HBEGF: variants seen among roughly 807,000 people sequenced by gnomAD.
HBEGF encodes the protein proheparin-binding EGF-like growth factor.
HBEGF carries 8 observed loss-of-function variants against 19.5 expected under a neutral mutation model. The observed-to-expected ratio is 0.41, with a 90% CI of 0.24 to 0.74. HBEGF has a LOEUF of 0.74. HBEGF is among the 30% of genes least tolerant of loss of function. HBEGF has a pLI of 0.32. For missense variants in HBEGF, 207 were observed against 256.9 expected, an observed-to-expected ratio of 0.81 and a Z score of 1.33; for synonymous variants, 97 against 108.9, an observed-to-expected ratio of 0.89 and a Z score of 0.68.
In HBEGF at chr5:140,334,184, G is replaced by C. The variant is rs1766193901; in HGVS notation, c.*115C>G. The C allele has an allele frequency of 6.4e-6, 1 of 155,792 alleles. No homozygotes were observed. The highest frequency in any genetic ancestry group is 1.4e-5 in the Non-Finnish European group (1 of 70,258). The allele number at this position is 155,792 out of a possible 1,614,324, so 9.7% of individuals were successfully genotyped here. ...GAGGCCCAATCCTAGACGGCAACTG[G>C]GGACGAAGGAGTCTTTGTGACTAGA... On this transcript the variant is annotated 3_prime_UTR_variant, in exon 6 of 6. Transcript: ENST00000230990.
chr5:140,342,779 G>A lies in HBEGF; in HGVS notation c.254C>T (p.Thr85Ile). 6.2e-7 allele frequency: 1 copy of A among 1,614,188 alleles called. No homozygotes were observed. The highest frequency in any genetic ancestry group is 8.5e-7 in the Non-Finnish European group (1 of 1,180,036). Residue 85 changes from threonine to isoleucine, a missense_variant, in exon 3 of 6, where the codon ACA becomes ATA. This residue lies in a region of HBEGF where 127 missense variants were observed against 132.7 expected (regional missense o/e 0.96). Coordinates refer to ENST00000230990, the MANE Select transcript of HBEGF (RefSeq NM_001945.3). ...TLSSKPQALA[T>I]PNKEEHGKRK... ...TTTCCCGTGCTCCTCCTTGTTTGGT[G>A]TGGCCAGTGCTTGTGGCTTGGAGGA...
intron 2 of HBEGF, among the ~76,000 whole-genome samples, chr5:140,344,812 C>T (rs1240844858): frequency 7.3e-6 from 1 of 137,732 alleles, no homozygotes; most frequent in Non-Finnish European, 1.5e-5. Flanking sequence ...GGACAGGGAG[C>T]AGTGAGTCAG....
chr5:140,343,127 A>AC (rs1390679038), intron 2 of HBEGF: 5 of 302,076 alleles, frequency 1.7e-5, no homozygotes, highest in Non-Finnish European at 2.5e-5. Context: ...CCTCACCTCC[A>AC]CCCCACTGTC....
intron 3 of HBEGF, among the ~76,000 whole-genome samples, chr5:140,340,181 G>A (rs1048268800): frequency 2.6e-5 from 4 of 151,910 alleles, no homozygotes; most frequent in African/African-American, 7.3e-5. Flanking sequence ...AGCTGCTCAG[G>A]AGGCTGAAGC....
Position 140,342,778 on chromosome 5 carries a change from T to C in HBEGF, c.255A>G (p.Thr85=), listed in dbSNP as rs1158746052. The stretch of plus-strand genomic sequence containing the variant: ...TTTTCCCGTGCTCCTCCTTGTTTGG[T>C]GTGGCCAGTGCTTGTGGCTTGGAGG... ...TLSSKPQALA[T]PNKEEHGKRK... The change falls in exon 3 of 6, where the codon ACA becomes ACG. Residue 85 remains threonine (T), a synonymous_variant. Transcript: ENST00000230990. 18 of 1,614,238 alleles carry C rather than the reference T, an allele frequency of 1.1e-5. No homozygotes were observed. Among genetic ancestry groups the C allele is most frequent in the Non-Finnish European group, 1.5e-5 (18 of 1,180,046 alleles).
In HBEGF at chr5:140,346,344, G is replaced by C; in HGVS notation, c.-16C>G. On this transcript the variant is annotated 5_prime_UTR_variant, in exon 1 of 6. Transcript: ENST00000230990. This position sits in a 1 kb window ranked among gnomAD's most constrained non-coding sequence, Gnocchi z 6.1. ...GCAGCTTCATGGTCCCGCACCGAGA[G>C]GAGGCGGCGAGGCACCAGTCACTTT... is the stretch of plus-strand genomic sequence containing the variant. 6.2e-7 allele frequency: 1 copy of C among 1,606,032 alleles called. No homozygotes were observed. Among genetic ancestry groups the C allele is most frequent in the East Asian group, 2.3e-5 (1 of 44,392 alleles).
In HBEGF at chr5:140,336,151, C is replaced by T. The variant is rs1766224611; in HGVS notation, c.399-124G>A. On this transcript the variant is annotated intron_variant, in intron 3 of 5. Coordinates refer to ENST00000230990, the MANE Select transcript of HBEGF (RefSeq NM_001945.3). ...AGCCTGTCAATCCCTGACCACGATC[C>T]CTGCCCATCCTCCATCCTTCTCCTC... 9 of 893,294 alleles carry T rather than the reference C, an allele frequency of 1.0e-5. No homozygotes were observed. In the Admixed American group the frequency reaches 1.8e-4, roughly 17 times the overall value. 55.3% of individuals were successfully genotyped at this position (893,294 alleles called of 1,614,324 possible).
At chr5:140,337,412 G>A (rs559987739) in intron 3 of HBEGF, among the ~76,000 whole-genome samples, 1 of 152,010 alleles carries the variant, frequency 6.6e-6, no homozygotes, top group Non-Finnish European at 1.5e-5. Context: ...AGGGGGCACA[G>A]TGGCACTGTC....
chr5:140,340,602 A>G lies in HBEGF; in HGVS notation c.398+2033T>C, dbSNP rs868812543. Among the ~76,000 whole-genome samples the G allele has an allele frequency of 3.3e-3, 486 of 146,692 alleles. 3 individuals are homozygous for G. Among genetic ancestry groups the G allele is most frequent in the East Asian group, 0.028 (136 of 4,886 alleles). On this transcript the variant is annotated intron_variant, in intron 3 of 5. Coordinates refer to ENST00000230990, the MANE Select transcript of HBEGF (RefSeq NM_001945.3). ...TGTCTCAAAAAAAAAAAAAAAAAAA[A>G]AAAGAAAGAAAGAAAGAAAAGAACA...
In HBEGF at chr5:140,346,244, C is replaced by T. The variant is rs1469331668; in HGVS notation, c.46+39G>A. The T allele has an allele frequency of 8.8e-6, 14 of 1,584,978 alleles. No homozygotes were observed. Among genetic ancestry groups the T allele is most frequent in the Non-Finnish European group, 1.2e-5 (14 of 1,167,060 alleles). ...CCCCATGCCCCCAGCACAACGCCCC[C>T]ATCCCCCCGATCTCCGGGGGCGTCG... On this transcript the variant is annotated intron_variant, in intron 1 of 5. Transcript: ENST00000230990. The surrounding 1 kb of genome is among the most constrained non-coding windows in gnomAD (Gnocchi z 6.1).
intron 3 of HBEGF, among the ~76,000 whole-genome samples, chr5:140,340,444 A>G (rs1428552126): frequency 6.6e-6 from 1 of 151,882 alleles, no homozygotes; most frequent in Non-Finnish European, 1.5e-5. Context: ...TTAATTCGGC[A>G]TGGTGGCAGG....
In HBEGF at chr5:140,346,596, G is replaced by A. The variant is rs1360501741; in HGVS notation, c.-268C>T. The A allele has an allele frequency of 9.9e-6, 5 of 506,182 alleles. No homozygotes were observed. The highest frequency in any genetic ancestry group is 1.4e-5 in the Non-Finnish European group (4 of 286,294). The allele number at this position is 506,182 out of a possible 1,614,324, so 31.4% of individuals were successfully genotyped here. A position where few individuals can be genotyped will look rare whatever the true frequency, so the allele number is the denominator to read the frequency against. ...GCAGCGTGGCCCGCGTAGCTCCTTC[G>A]GCCGAATGAGCGCTGCCCGGCTCGC... On this transcript the variant is annotated 5_prime_UTR_variant, in exon 1 of 6. Coordinates refer to ENST00000230990, the MANE Select transcript of HBEGF (RefSeq NM_001945.3). The surrounding 1 kb of genome is among the most constrained non-coding windows in gnomAD (Gnocchi z 6.1).
rs1561544204 is a variant in HBEGF, at chr5:140,346,083, A to C, written c.48T>G (p.Val16=). The C allele has an allele frequency of 6.2e-7, 1 of 1,611,252 alleles. No individual in the cohort carries two copies. The highest frequency in any genetic ancestry group is 8.5e-7 in the Non-Finnish European group (1 of 1,178,638). The change falls in exon 2 of 6, where the codon GTT becomes GTG. Residue 16 remains valine, a splice_region_variant and synonymous_variant. Coordinates refer to ENST00000230990, the MANE Select transcript of HBEGF (RefSeq NM_001945.3). The surrounding 1 kb of genome is among the most constrained non-coding windows in gnomAD (Gnocchi z 6.1). Reference sequence around the variant, plus strand: ...TCTCGCCAGTCACCAGTGCCGAGAGAACTGCGGGCGAGAGGCCAGGCCGCA... The same window carrying C: ...TCTCGCCAGTCACCAGTGCCGAGAGCACTGCGGGCGAGAGGCCAGGCCGCA... ...SVVLKLFLAA[V]LSALVTGESL... is the part of the protein sequence containing the mutation.
rs752806814 is a variant in HBEGF, at chr5:140,342,754, T to C, written c.279A>G (p.Lys93=). Residue 93 remains lysine, a synonymous_variant, in exon 3 of 6, where the codon AAA becomes AAG. Coordinates refer to ENST00000230990, the MANE Select transcript of HBEGF (RefSeq NM_001945.3). ...LATPNKEEHG[K]RKKKGKGLGK... is the part of the protein sequence containing the mutation. ...CTAGCCCCTTGCCTTTCTTCTTTCT[T>C]TTCCCGTGCTCCTCCTTGTTTGGTG... is the stretch of plus-strand genomic sequence containing the variant. 6.2e-7 allele frequency: 1 copy of C among 1,614,220 alleles called. No homozygotes were observed. The highest frequency in any genetic ancestry group is 2.2e-5 in the East Asian group (1 of 44,892).
intron 3 of HBEGF, among the ~76,000 whole-genome samples, chr5:140,339,623 AC>A (rs1052612166): frequency 1.4e-4 from 21 of 152,058 alleles, no homozygotes; most frequent in Admixed American, 2.6e-4. Flanking sequence ...CGAACTCCTG[AC>A]CTCAGGCGAC....
At position 140,346,521 on chromosome 5, in the gene HBEGF, A is replaced by T; in HGVS notation, c.-193T>A. The T allele has an allele frequency of 1.5e-6, 1 of 649,294 alleles. No homozygotes were observed. Among genetic ancestry groups the T allele is most frequent in the Non-Finnish European group, 2.6e-6 (1 of 384,364 alleles). The allele number at this position is 649,294 out of a possible 1,614,324, so 40.2% of individuals were successfully genotyped here. ...CTTGAGTGTCTTGTCTTGCTCACTC[A>T]GCCCGCCCGCGCGGCCGCCCGACCC... On this transcript the variant is annotated 5_prime_UTR_variant, in exon 1 of 6. Coordinates refer to ENST00000230990, the MANE Select transcript of HBEGF (RefSeq NM_001945.3). The surrounding 1 kb of genome is among the most constrained non-coding windows in gnomAD (Gnocchi z 6.1).
chr5:140,336,164 C>T (rs566359409), intron 3 of HBEGF, 137 bp from the exon 4 acceptor site: 18 of 796,244 alleles, frequency 2.3e-5, no homozygotes, highest in Admixed American at 5.4e-5. Context: ...GCCCATCCTC[C>T]ATCCTTCTCC....
At chr5:140,345,761 C>T (rs1766386621) in intron 2 of HBEGF, 150 bp downstream of exon 2, 3 of 849,238 alleles carry the variant, frequency 3.5e-6, no homozygotes, top group Non-Finnish European at 5.6e-6. Context: ...ATTCCAGGAT[C>T]CCCCAGTGCC....
At chr5:140,344,984 C>T (rs561995838) in intron 2 of HBEGF, among the ~76,000 whole-genome samples, 2 of 152,206 alleles carry the variant, frequency 1.3e-5, no homozygotes, top group South Asian at 4.2e-4. Context: ...AGTATGGGAG[C>T]CCAGGCTCAG....
Sources: gnomAD v4.1 joint callset for allele counts (sites outside exome capture counted in the v4.1 genomes callset) on GRCh38, gnomAD v4.1.1 for gene constraint, gnomAD v4.1.1 regional missense constraint, Gnocchi (gnomAD v3.1) non-coding constraint, MANE v1.5 for transcripts, NCBI Gene and HGNC (gene_info 2026-07-23, HGNC 2026-07-21) for gene names.